Variants in GAS6 observed in about 807,000 individuals in gnomAD.
GAS6 encodes the protein growth arrest-specific protein 6.
A neutral mutation model predicts 75.8 loss-of-function variants in GAS6; 41 were observed. That is an observed-to-expected ratio of 0.54 (90% CI 0.42 to 0.70). The LOEUF (loss-of-function observed/expected upper bound fraction) is 0.70. Ranked by LOEUF, GAS6 falls within the 30% of genes least tolerant of loss-of-function variation. The probability of loss-of-function intolerance (pLI) is 0.00; values close to 1 mark genes in which losing one functional copy is unlikely to be tolerated. For missense variants in GAS6, 854 were observed against 940.2 expected (o/e 0.91, Z 1.20); for synonymous variants, 432 against 412.6 (o/e 1.05, Z -0.57).
chr13:113,823,679 AC>A, intron 12 of GAS6, 129 bp from the exon 13 acceptor site: 2 of 897,728 alleles, frequency 2.2e-6, no homozygotes, highest in South Asian at 3.6e-5. Context: ...CGGATCTGGG[AC>A]GTGATGGAAA....
At chr13:113,825,295 A>G (rs2051521986) in intron 12 of GAS6, among the ~76,000 whole-genome samples, 1 of 149,300 alleles carries the variant, frequency 6.7e-6, no homozygotes, top group Non-Finnish European at 1.5e-5. Context: ...CATGTTGGCC[A>G]TCGGGGCTTC....
chr13:113,851,553 G>C (rs138493509), intron 2 of GAS6, among the ~76,000 whole-genome samples: 74 of 151,820 alleles, frequency 4.9e-4, no homozygotes, highest in Non-Finnish European at 8.7e-4. Context: ...GGGTGAGTGA[G>C]TGGATAGATG....
chr13:113,823,658 G>T, intron 12 of GAS6, 108 bp from the exon 13 acceptor site: 2 of 1,105,824 alleles, frequency 1.8e-6, no homozygotes, highest in Non-Finnish European at 1.3e-6. Flanking sequence ...GGGAAGCTGT[G>T]CAGACAGCCC....
rs562952233 is a variant in GAS6, at chr13:113,846,343, T to C, written c.343+184A>G. ...TGTTCCATGTGCATTTATTGCCTAT[T>C]GCTAAAAACGTCAAAATTTACTTGT... On this transcript the variant is annotated intron_variant, in intron 4 of 14. Transcript: ENST00000327773. Among the ~76,000 whole-genome samples, 34 of 152,258 alleles carry C rather than the reference T, an allele frequency of 2.2e-4. 1 individual carries two copies. Among genetic ancestry groups the C allele is most frequent in the Non-Finnish European group, 4.6e-4 (31 of 68,054 alleles).
intron 10 of GAS6, among the ~76,000 whole-genome samples, chr13:113,831,171 G>A (rs945477917): frequency 1.3e-4 from 20 of 152,188 alleles, no homozygotes; most frequent in Middle Eastern, 3.2e-3. Flanking sequence ...ACGTTTTACC[G>A]CTGCCCACAG....
intron 12 of GAS6, among the ~76,000 whole-genome samples, chr13:113,824,687 G>A (rs2051511430): frequency 6.6e-6 from 1 of 152,006 alleles, no homozygotes; most frequent in South Asian, 2.1e-4. Context: ...AATTGTGCTG[G>A]TTTCCCTGTC....
At chr13:113,859,504 ATGTG>A (rs1323033349) in intron 2 of GAS6, among the ~76,000 whole-genome samples, 14 of 148,386 alleles carry the variant, frequency 9.4e-5, no homozygotes, top group South Asian at 8.6e-4. Flanking sequence ...GTCTGTTAGT[ATGTG>A]TGTGTGCCTG....
intron 14 of GAS6, 77 bp from the exon 15 acceptor site, chr13:113,821,095 C>G (rs550048095): frequency 6.6e-7 from 1 of 1,507,974 alleles, no homozygotes; most frequent in Non-Finnish European, 9.1e-7. Context: ...CCCCCGGCAG[C>G]GCTTGTGGCC....
At chr13:113,830,885 T>C (rs2051622593) in intron 10 of GAS6, among the ~76,000 whole-genome samples, 1 of 152,264 alleles carries the variant, frequency 6.6e-6, no homozygotes, top group East Asian at 1.9e-4. Context: ...CTGAAACTGC[T>C]TCTGCTTCCT....
intron 4 of GAS6, chr13:113,840,467 C>A: frequency 6.5e-6 from 1 of 152,820 alleles, no homozygotes; most frequent in Non-Finnish European, 1.5e-5. Context: ...GTCAGGGGAA[C>A]GGGTGAGGGC....
In GAS6 at chr13:113,845,421, C is replaced by T. The variant is rs1289875507; in HGVS notation, c.343+1106G>A. On this transcript the variant is annotated intron_variant, in intron 4 of 14. Transcript: ENST00000327773. This position sits in a 1 kb window ranked among gnomAD's most constrained non-coding sequence, Gnocchi z 4.3. ...TGCTCTCAGCGCCCACAGGGACTCA[C>T]CAAGCTGGACTTTCATCTAAAACTA... 3 of 150,258 alleles carry T rather than the reference C, an allele frequency of 2.0e-5. No individual in the cohort carries two copies. Among genetic ancestry groups the T allele is most frequent in the Non-Finnish European group, 4.4e-5 (3 of 68,000 alleles). The allele number at this position is 150,258 out of a possible 1,614,324, so 9.3% of individuals were successfully genotyped here.
chr13:113,835,753 G>T (rs1044077569), intron 6 of GAS6, 118 bp from the exon 7 acceptor site: 4 of 1,493,162 alleles, frequency 2.7e-6, no homozygotes. Context: ...GACTCTGTGG[G>T]GCCAGCGCGC....
In GAS6 at chr13:113,837,253, G is replaced by A. The variant is rs1206283685; in HGVS notation, c.589+816C>T. ...GGAACCACCAAAGTGGACAGAAATA[G>A]CAGCTGCCTTTTGAAATCGGGGGAT... On this transcript the variant is annotated intron_variant, in intron 6 of 14. Transcript: ENST00000327773. This position sits in a 1 kb window ranked among gnomAD's most constrained non-coding sequence, Gnocchi z 5.1. Among the ~76,000 whole-genome samples, 1 of 152,070 alleles carries A rather than the reference G, an allele frequency of 6.6e-6. No homozygotes were observed. The highest frequency in any genetic ancestry group is 2.4e-5 in the African/African-American group (1 of 41,382).
intron 2 of GAS6, among the ~76,000 whole-genome samples, chr13:113,859,594 C>T (rs1401781427): frequency 2.0e-5 from 3 of 151,292 alleles, no homozygotes; most frequent in Non-Finnish European, 2.9e-5. Flanking sequence ...ATGTACATGT[C>T]TGTTAGTATG....
At chr13:113,840,690 A>G (rs2051765864) in intron 4 of GAS6, 1 of 152,216 alleles carries the variant, frequency 6.6e-6, no homozygotes, top group South Asian at 2.1e-4. Flanking sequence ...CGACAATTAC[A>G]CCCGGAGCTC....
Position 113,839,818 on chromosome 13 carries a change from C to G in GAS6, c.376G>C (p.Asp126His). Residue 126 changes from aspartate (D) to histidine (H), a missense_variant, in exon 5 of 15, where the codon GAT becomes CAT. By Grantham distance (81) the Asp-to-His change is moderately conservative. Coordinates refer to ENST00000327773, the MANE Select transcript of GAS6 (RefSeq NM_000820.4). The stretch of plus-strand genomic sequence containing the variant: ...TGGCAGGCTTGGGTCCCCTTCCTAT[C>G]GCAGGGGTTGGGCGTGCACTGGTCA... ...LPDQCTPNPC[D>H]RKGTQACQDL... is the part of the protein sequence containing the mutation. 1 of 1,613,968 alleles carries G rather than the reference C, an allele frequency of 6.2e-7. No homozygotes were observed. Among genetic ancestry groups the G allele is most frequent in the African/African-American group, 1.3e-5 (1 of 75,044 alleles).
intron 6 of GAS6, chr13:113,835,846 G>A (rs1303059982): frequency 1.7e-5 from 23 of 1,371,338 alleles, no homozygotes; most frequent in Non-Finnish European, 2.1e-5. Flanking sequence ...GGCCCGGCTG[G>A]GAAGGCTGAC....
rs193045500 is a variant in GAS6, at chr13:113,863,302, A to C, written c.255+273T>G. On this transcript the variant is annotated intron_variant, in intron 2 of 14. Coordinates refer to ENST00000327773, the MANE Select transcript of GAS6 (RefSeq NM_000820.4). This position sits in a 1 kb window ranked among gnomAD's most constrained non-coding sequence, Gnocchi z 9.4. Reference sequence around the variant, plus strand: ...GTTTTAACCATTGTGTTTCTCTCGCACTTTGGAAACGGACTCCCGGCTTCC... The same window carrying C: ...GTTTTAACCATTGTGTTTCTCTCGCCCTTTGGAAACGGACTCCCGGCTTCC... Among the ~76,000 whole-genome samples the C allele has an allele frequency of 6.6e-6, 1 of 152,028 alleles. No homozygotes were observed. The highest frequency in any genetic ancestry group is 1.5e-5 in the Non-Finnish European group (1 of 67,978).
At chr13:113,846,175 C>T (rs777495506) in intron 4 of GAS6, among the ~76,000 whole-genome samples, 16 of 151,784 alleles carry the variant, frequency 1.1e-4, no homozygotes, top group Non-Finnish European at 1.6e-4. Flanking sequence ...AGCCGCCACG[C>T]GTGTGAAGAG....
Sources: allele counts gnomAD v4.1 joint callset (sites outside exome capture counted in the v4.1 genomes callset), GRCh38; gene constraint gnomAD v4.1.1; non-coding constraint Gnocchi (gnomAD v3.1); transcripts MANE v1.5; gene names NCBI Gene and HGNC (gene_info 2026-07-23, HGNC 2026-07-21).